PTPRD: variants seen among roughly 807,000 people sequenced by gnomAD.
PTPRD encodes the protein protein tyrosine phosphatase receptor type D, also known as receptor-type tyrosine-protein phosphatase delta.
PTPRD carries 34 observed loss-of-function variants against 214.5 expected under a neutral mutation model. The ratio of observed to expected loss-of-function variants is 0.16; its 90% CI spans 0.12 to 0.21. The LOEUF (loss-of-function observed/expected upper bound fraction) is 0.21. Among genes scored for constraint, PTPRD ranks in the 10% least tolerant of loss-of-function variants. PTPRD has a pLI of 1.00. For synonymous variants in PTPRD, 1,128 were observed against 845.7 expected, an observed-to-expected ratio of 1.33 and a Z score of -5.79; for missense variants, 2,545 against 2,398.7, an observed-to-expected ratio of 1.06 and a Z score of -1.27.
At chr9:9,557,992 A>C (rs936434865) in intron 8 of PTPRD, among the ~76,000 whole-genome samples, 2 of 152,330 alleles carry the variant, frequency 1.3e-5, no homozygotes, top group African/African-American at 4.8e-5. Flanking sequence ...AGCAGCCTGC[A>C]TGCACAGCAC....
chr9:8,970,220 G>A (rs2099228629), intron 11 of PTPRD, among the ~76,000 whole-genome samples: 2 of 151,724 alleles, frequency 1.3e-5, no homozygotes, highest in African/African-American at 2.4e-5. Context: ...TAGTGCTATG[G>A]GCTTATCAGC....
intron 6 of PTPRD, among the ~76,000 whole-genome samples, chr9:9,736,145 T>A (rs1234800560): frequency 6.6e-6 from 1 of 152,154 alleles, no homozygotes; most frequent in Admixed American, 6.5e-5. Flanking sequence ...ACCTTGAACA[T>A]ATCATAGGAT....
At chr9:9,613,767 C>G (rs1023122107) in intron 7 of PTPRD, among the ~76,000 whole-genome samples, 4 of 152,098 alleles carry the variant, frequency 2.6e-5, no homozygotes, top group Admixed American at 6.6e-5. Flanking sequence ...CTACTAGGAG[C>G]CTGTATTTTA....
rs190773060 is a variant in PTPRD at position 8,884,993 on chromosome 9, C to T, written c.-104+133704G>A. Among the ~76,000 whole-genome samples the T allele has an allele frequency of 7.6e-3, 1,163 of 152,082 alleles. 14 individuals are homozygous for T. The highest frequency in any genetic ancestry group is 0.025 in the African/African-American group (1,027 of 41,486). ...TGACCATCAGTGAGGGGGAATACAA[C>T]GTAGAAATTTAGTGCTTTTGAGAAT... On this transcript the variant is annotated intron_variant, in intron 11 of 45. Transcript: ENST00000381196.
At chr9:10,191,444 A>T (rs1298496454) in intron 3 of PTPRD, among the ~76,000 whole-genome samples, 2 of 152,174 alleles carry the variant, frequency 1.3e-5, no homozygotes, top group Non-Finnish European at 2.9e-5. Flanking sequence ...TATTTTATGC[A>T]TTTACAAATT....
chr9:8,491,454 A>G lies in PTPRD; in HGVS notation c.2467+1408T>C, dbSNP rs76865439. ...ATGGGCAACAGGGGAGTGGTGCTTC[A>G]TATAAAACATTTCAGAGTTATTATG... is the stretch of plus-strand genomic sequence containing the variant. On this transcript the variant is annotated intron_variant, in intron 27 of 45. Transcript: ENST00000381196. 8.0e-4 allele frequency among the ~76,000 whole-genome samples: 122 copies of G among 152,280 alleles called. 1 individual carries two copies. The East Asian group carries it at 0.023, about 29-fold the overall frequency.
At chr9:9,296,256 C>G (rs1952994305) in intron 9 of PTPRD, among the ~76,000 whole-genome samples, 1 of 151,704 alleles carries the variant, frequency 6.6e-6, no homozygotes, top group Non-Finnish European at 1.5e-5. Flanking sequence ...ACCATTTTGA[C>G]TTTATATCTC....
intron 7 of PTPRD, among the ~76,000 whole-genome samples, chr9:9,636,432 A>C (rs910149873): frequency 3.3e-5 from 5 of 152,182 alleles, no homozygotes; most frequent in African/African-American, 1.2e-4. Flanking sequence ...ACCTTTCTCC[A>C]ATGACAGATT....
chr9:10,324,800 A>G (rs2096614600), intron 3 of PTPRD, among the ~76,000 whole-genome samples: 2 of 152,070 alleles, frequency 1.3e-5, no homozygotes, highest in African/African-American at 4.8e-5. Flanking sequence ...ATCAATAATG[A>G]TACCTCACTT....
chr9:9,364,855 G>C (rs1258767274), intron 9 of PTPRD, among the ~76,000 whole-genome samples: 1 of 150,844 alleles, frequency 6.6e-6, no homozygotes, highest in East Asian at 1.9e-4. Flanking sequence ...TGTTGAGTGT[G>C]GATGGAATAA....
chr9:9,597,878 A>G (rs545323980), intron 7 of PTPRD, among the ~76,000 whole-genome samples: 2 of 152,180 alleles, frequency 1.3e-5, no homozygotes, highest in Non-Finnish European at 2.9e-5. Flanking sequence ...ATCCTAAATA[A>G]GCAGTGTTGA....
At chr9:9,333,526 A>ATATATAT (rs1569567452) in intron 9 of PTPRD, among the ~76,000 whole-genome samples, 1 of 142,664 alleles carries the variant, frequency 7.0e-6, no homozygotes, top group African/African-American at 2.8e-5. Context: ...ATATATATAT[A>ATATATAT]AAGTCTGCAA....
chr9:9,609,488 A>G (rs1219691461), intron 7 of PTPRD, among the ~76,000 whole-genome samples: 1 of 152,230 alleles, frequency 6.6e-6, no homozygotes, highest in African/African-American at 2.4e-5. Context: ...TTTGGGACAG[A>G]GTCTCGCTCT....
At chr9:9,276,139 A>G (rs1945548753) in intron 9 of PTPRD, among the ~76,000 whole-genome samples, 1 of 151,288 alleles carries the variant, frequency 6.6e-6, no homozygotes, top group South Asian at 2.1e-4. Context: ...CGTCAGTGGC[A>G]CATTTTGGCC....
chr9:10,359,683 C>T (rs905491511), intron 2 of PTPRD, among the ~76,000 whole-genome samples: 6 of 152,018 alleles, frequency 3.9e-5, no homozygotes, highest in African/African-American at 7.2e-5. Flanking sequence ...TGTGCTGCAG[C>T]GAACTAAGTT....
At chr9:9,306,724 A>G (rs908065445) in intron 9 of PTPRD, among the ~76,000 whole-genome samples, 2 of 152,096 alleles carry the variant, frequency 1.3e-5, no homozygotes, top group African/African-American at 4.8e-5. Flanking sequence ...TTGGTCATGA[A>G]TTTTCTTCAT....
At chr9:8,595,174 T>G (rs565293580) in intron 14 of PTPRD, among the ~76,000 whole-genome samples, 221 of 118,804 alleles carry the variant, frequency 1.9e-3, no homozygotes, top group Non-Finnish European at 2.6e-3. Flanking sequence ...CTAAACCTGT[T>G]TTTTTTTTTT....
intron 4 of PTPRD, among the ~76,000 whole-genome samples, chr9:10,014,875 T>C (rs561794780): frequency 3.9e-5 from 6 of 152,134 alleles, no homozygotes; most frequent in Non-Finnish European, 8.8e-5. Flanking sequence ...TGAAGAGACT[T>C]ACTGCCCCAC....
chr9:9,027,396 G>C (rs538526309), intron 10 of PTPRD, among the ~76,000 whole-genome samples: 1 of 151,764 alleles, frequency 6.6e-6, no homozygotes. Flanking sequence ...CTGTAATTTC[G>C]TTTGTAGTGA....
Sources: allele counts gnomAD v4.1 joint callset (sites outside exome capture counted in the v4.1 genomes callset), GRCh38; gene constraint gnomAD v4.1.1; transcripts MANE v1.5; gene names NCBI Gene and HGNC (gene_info 2026-07-23, HGNC 2026-07-21).